PCDHA10: variants seen among roughly 807,000 people sequenced by gnomAD.
The protein encoded by PCDHA10 is protocadherin alpha-10.
Under a neutral mutation model 61.2 loss-of-function variants are expected in PCDHA10, and 45 were observed. The ratio of observed to expected loss-of-function variants is 0.74; its 90% CI spans 0.58 to 0.94. PCDHA10 has a LOEUF of 0.94. PCDHA10 is among the 40% of genes least tolerant of loss of function. The pLI, the probability that PCDHA10 is intolerant of heterozygous loss-of-function variation, is 0.00. For missense variants in PCDHA10, 1,278 were observed against 1,236.2 expected (o/e 1.03, Z -0.51); for synonymous variants, 602 against 548.8 (o/e 1.10, Z -1.35).
chr5:140,893,689 A>G (rs999117899), intron 1 of PCDHA10, among the ~76,000 whole-genome samples: 2 of 152,192 alleles, frequency 1.3e-5, no homozygotes, highest in Non-Finnish European at 2.9e-5. Context: ...ATATCATCTC[A>G]TTCTATCCTA....
rs374146742 is a variant in PCDHA10 at position 140,927,954 on chromosome 5, C to T, written c.2389-50995C>T. ...CGAACCCAGTACCTGAGGACGCTGC[C>T]CCTGGCACAGTGATTGCTCTCTTTA... On this transcript the variant is annotated intron_variant, in intron 1 of 3. Transcript: ENST00000307360. The T allele has an allele frequency of 5.2e-5, 84 of 1,614,080 alleles. No homozygotes were observed. In the African/African-American group the frequency reaches 1.0e-3, roughly 19 times the overall value.
intron 1 of PCDHA10, among the ~76,000 whole-genome samples, chr5:140,893,497 G>GA (rs1157700367): frequency 4.1e-4 from 62 of 150,170 alleles, no homozygotes; most frequent in African/African-American, 1.2e-3. Context: ...TCACAAAAAA[G>GA]AAAAAAAAAG....
At chr5:140,967,789 T>A (rs782032459) in intron 1 of PCDHA10, 2 of 1,614,076 alleles carry the variant, frequency 1.2e-6, no homozygotes, top group Non-Finnish European at 1.7e-6. Context: ...CTGACCGGGG[T>A]CCAGTGCCCA....
chr5:140,882,351 G>A, intron 1 of PCDHA10: 1 of 1,614,214 alleles, frequency 6.2e-7, no homozygotes, highest in East Asian at 2.2e-5. Context: ...GAGACGGGTA[G>A]TGGCCAGCTC....
intron 1 of PCDHA10, chr5:140,926,333 C>G (rs1244364456): frequency 6.6e-6 from 1 of 152,288 alleles, no homozygotes; most frequent in Non-Finnish European, 1.5e-5. Context: ...GGTCAGAGCG[C>G]CGGGACCCGA....
chr5:140,986,572 G>T (rs1587171327), intron 3 of PCDHA10, among the ~76,000 whole-genome samples: 1 of 152,268 alleles, frequency 6.6e-6, no homozygotes, highest in East Asian at 1.9e-4. Context: ...TCTGTTATTG[G>T]TTTTTCCAGC....
intron 1 of PCDHA10, among the ~76,000 whole-genome samples, chr5:140,897,443 G>GT (rs1562897655): frequency 6.7e-6 from 1 of 149,986 alleles, no homozygotes; most frequent in Non-Finnish European, 1.5e-5. Flanking sequence ...GCAGTGTTTG[G>GT]TTTTTTGTCC....
Position 140,881,357 on chromosome 5 carries a change from CT to C in PCDHA10, c.2388+22924del, listed in dbSNP as rs1486951603. 3.0e-6 allele frequency: 3 copies of C among 985,228 alleles called. No homozygotes were observed. The African/African-American group carries it at 5.2e-5, about 17-fold the overall frequency. 61.0% of individuals were successfully genotyped at this position (985,228 alleles called of 1,614,324 possible). A position where few individuals can be genotyped will look rare whatever the true frequency, so the allele number is the denominator to read the frequency against. ...CGCCGATTCGGGCTACAATGCGTGG[CT>C]TTCGTATGAATTGCAGCCGGCGGCG... On this transcript the variant is annotated intron_variant, in intron 1 of 3. Coordinates refer to ENST00000307360, the MANE Select transcript of PCDHA10 (RefSeq NM_018901.4).
rs567637148 is a variant in PCDHA10, at chr5:140,861,555, G to A, written c.2388+3119G>A. The A allele has an allele frequency of 2.5e-5, 10 of 403,260 alleles. No individual in the cohort carries two copies. The East Asian group carries it at 5.2e-4, about 21-fold the overall frequency. 25.0% of individuals were successfully genotyped at this position (403,260 alleles called of 1,614,324 possible). ...GTGCAGCATCCACCTGGAAGTGATC[G>A]TGGACAAGCTGCTACAGGTTTTCCA... On this transcript the variant is annotated intron_variant, in intron 1 of 3. Transcript: ENST00000307360.
chr5:140,941,169 C>T (rs1283079666), intron 1 of PCDHA10, among the ~76,000 whole-genome samples: 1 of 145,950 alleles, frequency 6.9e-6, no homozygotes, highest in Admixed American at 6.9e-5. Flanking sequence ...GACTCCCCAT[C>T]TTGAACATCC....
chr5:140,920,360 C>T (rs1049389066), intron 1 of PCDHA10, among the ~76,000 whole-genome samples: 2 of 151,950 alleles, frequency 1.3e-5, no homozygotes, highest in Non-Finnish European at 2.9e-5. Context: ...TAGTTCTATT[C>T]ATTTATTCTT....
At chr5:140,909,082 G>T (rs1190064294) in intron 1 of PCDHA10, among the ~76,000 whole-genome samples, 2 of 152,184 alleles carry the variant, frequency 1.3e-5, no homozygotes, top group Non-Finnish European at 2.9e-5. Context: ...CAGTGTGTTT[G>T]CTACTTCTCA....
At chr5:140,996,697 C>T (rs559736986) in intron 3 of PCDHA10, among the ~76,000 whole-genome samples, 1 of 152,236 alleles carries the variant, frequency 6.6e-6, no homozygotes, top group East Asian at 1.9e-4. Flanking sequence ...TCTTCTGAAC[C>T]TCTATCTCTT....
chr5:140,875,910 G>A, intron 1 of PCDHA10: 1 of 1,614,172 alleles, frequency 6.2e-7, no homozygotes, highest in South Asian at 1.1e-5. Context: ...CTGAATCTGC[G>A]CCTCTGGACT....
rs1554150112 is a variant in PCDHA10 at position 140,857,490 on chromosome 5, C to T, written c.1442C>T (p.Ala481Val). 2 of 1,598,382 alleles carry T rather than the reference C, an allele frequency of 1.3e-6. No homozygotes were observed. The highest frequency in any genetic ancestry group is 4.5e-5 in the East Asian group (2 of 44,848). Residue 481 changes from alanine (A) to valine (V), a missense_variant, in exon 1 of 4, where the codon GCG becomes GTG. By Grantham distance (64) the Ala-to-Val change is moderately conservative (BLOSUM62 0). Transcript: ENST00000307360. ...CHIFTVSAWD[A>V]DAQENALVSY... ...ATCTTCACGGTGTCTGCGTGGGACG[C>T]GGACGCGCAGGAGAACGCCCTGGTG...
At chr5:140,955,480 C>T (rs940139413) in intron 1 of PCDHA10, among the ~76,000 whole-genome samples, 3 of 152,088 alleles carry the variant, frequency 2.0e-5, no homozygotes, top group African/African-American at 7.2e-5. Flanking sequence ...GGCACCTCTC[C>T]TTCCTGCCAC....
intron 1 of PCDHA10, among the ~76,000 whole-genome samples, chr5:140,952,279 T>C (rs1222400527): frequency 6.7e-6 from 1 of 149,858 alleles, no homozygotes; most frequent in Non-Finnish European, 1.5e-5. Flanking sequence ...TTGAGGGTGG[T>C]GGCCCTCTTC....
Position 140,875,195 on chromosome 5 carries a change from G to A in PCDHA10, c.2388+16759G>A, listed in dbSNP as rs1554167540. On this transcript the variant is annotated intron_variant, in intron 1 of 3. Transcript: ENST00000307360. ...AACATTAGAATTAAGAGTGACCCAG[G>A]AAGTGGCTAAACCGAAAAGAACCTC... is the stretch of plus-strand genomic sequence containing the variant. The A allele has an allele frequency of 1.5e-5, 8 of 526,354 alleles. No individual in the cohort carries two copies. The Admixed American group carries it at 1.6e-4, about 10-fold the overall frequency. 32.6% of individuals were successfully genotyped at this position (526,354 alleles called of 1,614,324 possible). A position where few individuals can be genotyped will look rare whatever the true frequency, so the allele number is the denominator to read the frequency against.
At chr5:140,928,927 G>T (rs1359556123) in intron 1 of PCDHA10, 1 of 1,613,982 alleles carries the variant, frequency 6.2e-7, no homozygotes, top group Non-Finnish European at 8.5e-7. Context: ...GCAGCTTTCT[G>T]CCCAGAACTT....
Sources: allele counts gnomAD v4.1 joint callset (sites outside exome capture counted in the v4.1 genomes callset), GRCh38; gene constraint gnomAD v4.1.1; transcripts MANE v1.5; gene names NCBI Gene and HGNC (gene_info 2026-07-23, HGNC 2026-07-21).